Variants in ABHD12B observed in about 807,000 individuals in gnomAD.
The protein encoded by ABHD12B is abhydrolase domain containing 12B, also known as protein ABHD12B.
ABHD12B carries 42 observed loss-of-function variants against 50.4 expected under a neutral mutation model. That is an observed-to-expected ratio of 0.83 (90% confidence interval 0.65 to 1.08). ABHD12B has a LOEUF of 1.08. ABHD12B is among the 50% of genes least tolerant of loss of function. The pLI is 0.00. For synonymous variants in ABHD12B, 167 were observed against 160.3 expected (o/e 1.04, Z -0.32); for missense variants, 479 against 447.7 (o/e 1.07, Z -0.63).
chr14:50,882,262 G>C (rs1332977208), intron 5 of ABHD12B, among the ~76,000 whole-genome samples: 1 of 151,932 alleles, frequency 6.6e-6, no homozygotes, highest in East Asian at 1.9e-4. Flanking sequence ...TTCTCTGAGG[G>C]CTGGGGGATG....
rs1026200599 is a variant in ABHD12B at position 50,886,521 on chromosome 14, C to G, written c.663-126C>G. ...CTGTGGAACCCTTTTAAATAGCGTG[C>G]AAATTTTGTGTCTATATGCATTTTT... On this transcript the variant is annotated intron_variant, in intron 7 of 12. Coordinates refer to ENST00000337334, the MANE Select transcript of ABHD12B (RefSeq NM_001206673.2). 3 of 784,066 alleles carry G rather than the reference C, an allele frequency of 3.8e-6. No individual in the cohort carries two copies. The African/African-American group carries it at 5.3e-5, about 14-fold the overall frequency. The allele number at this position is 784,066 out of a possible 1,614,324, so 48.6% of individuals were successfully genotyped here.
At chr14:50,894,998 A>T (rs936229080) in intron 9 of ABHD12B, among the ~76,000 whole-genome samples, 1 of 148,756 alleles carries the variant, frequency 6.7e-6, no homozygotes, top group Non-Finnish European at 1.5e-5. Context: ...CCAGCAATTT[A>T]CTCTTAAAAA....
In ABHD12B at chr14:50,904,917, G is replaced by T; in HGVS notation, c.*551G>T. 1 of 240,554 alleles carries T rather than the reference G, an allele frequency of 4.2e-6. No individual in the cohort carries two copies. Among genetic ancestry groups the T allele is most frequent in the South Asian group, 5.9e-5 (1 of 16,856 alleles). The allele number at this position is 240,554 out of a possible 1,614,324, so 14.9% of individuals were successfully genotyped here. A position where few individuals can be genotyped will look rare whatever the true frequency, so the allele number is the denominator to read the frequency against. ...CTGAATCAGCCAGTGCCTTGCTCTTGGACTTCCCAGCCCCCAGAACTGTGA... is the reference window on the plus strand; with the variant it reads ...CTGAATCAGCCAGTGCCTTGCTCTTTGACTTCCCAGCCCCCAGAACTGTGA... On this transcript the variant is annotated 3_prime_UTR_variant, in exon 13 of 13. Coordinates refer to ENST00000337334, the MANE Select transcript of ABHD12B (RefSeq NM_001206673.2).
chr14:50,895,880 A>G (rs141066292), intron 9 of ABHD12B, among the ~76,000 whole-genome samples: 1,885 of 152,160 alleles, frequency 0.012, 29 homozygotes, highest in African/African-American at 0.043. Flanking sequence ...AACTTAGACA[A>G]TACTCTTTTA....
chr14:50,894,962 TC>T (rs1257728966), intron 9 of ABHD12B, among the ~76,000 whole-genome samples: 2 of 149,446 alleles, frequency 1.3e-5, no homozygotes, highest in Non-Finnish European at 2.9e-5. Flanking sequence ...ACAGTTTCGT[TC>T]CGTGACTAGC....
rs570999988 is a variant in ABHD12B, at chr14:50,899,553, C to T, written c.781-2276C>T. Among the ~76,000 whole-genome samples, 31 of 152,286 alleles carry T rather than the reference C, an allele frequency of 2.0e-4. No individual in the cohort carries two copies. In the East Asian group the frequency reaches 5.6e-3, roughly 27 times the overall value. On this transcript the variant is annotated intron_variant, in intron 9 of 12. Transcript: ENST00000337334. Reference sequence around the variant, plus strand: ...CTCCCTATTCTGTGCCTATTTCCTTCTCTTGGCCATGTCCCATTTACTACC... The same window carrying T: ...CTCCCTATTCTGTGCCTATTTCCTTTTCTTGGCCATGTCCCATTTACTACC...
chr14:50,878,636 C>A (rs2049895362), intron 2 of ABHD12B, 109 bp from the exon 3 acceptor site: 1 of 845,856 alleles, frequency 1.2e-6, no homozygotes, highest in East Asian at 2.6e-5. Flanking sequence ...AGTGTAGTAG[C>A]TTGCAACTTA....
intron 5 of ABHD12B, among the ~76,000 whole-genome samples, chr14:50,882,373 CTTTTTTTTT>C (rs386381352): frequency 2.4e-5 from 2 of 81,844 alleles, no homozygotes; most frequent in Admixed American, 3.9e-4. Flanking sequence ...AGAATGTCTG[CTTTTTTTTT>C]TTTTTTTTTT....
rs1261556322 is a variant in ABHD12B at position 50,904,945 on chromosome 14, A to C, written c.*579A>C. The stretch of plus-strand genomic sequence containing the variant: ...CTTCCCAGCCCCCAGAACTGTGAGA[A>C]ATAAATTTCTGTTGTTTATAAGCTA... On this transcript the variant is annotated 3_prime_UTR_variant, in exon 13 of 13. Coordinates refer to ENST00000337334, the MANE Select transcript of ABHD12B (RefSeq NM_001206673.2). 4.0e-6 allele frequency: 1 copy of C among 248,062 alleles called. No individual in the cohort carries two copies. Among genetic ancestry groups the C allele is most frequent in the African/African-American group, 2.3e-5 (1 of 42,798 alleles). 15.4% of individuals were successfully genotyped at this position (248,062 alleles called of 1,614,324 possible).
chr14:50,877,823 T>C, intron 1 of ABHD12B, 129 bp from the exon 2 acceptor site: 1 of 920,078 alleles, frequency 1.1e-6, no homozygotes, highest in Non-Finnish European at 1.5e-6. Context: ...GCTGAGAACA[T>C]GCCATTGCAC....
intron 3 of ABHD12B, among the ~76,000 whole-genome samples, chr14:50,879,198 G>A (rs1310280637): frequency 6.6e-6 from 1 of 152,062 alleles, no homozygotes; most frequent in Non-Finnish European, 1.5e-5. Context: ...CTTCCCTCTT[G>A]CCTTGCTAAC....
chr14:50,888,706 C>A, intron 8 of ABHD12B, 118 bp from the exon 9 acceptor site: 1 of 809,102 alleles, frequency 1.2e-6, no homozygotes, highest in South Asian at 1.8e-5. Context: ...TAATAACCTT[C>A]ACAAATAATT....
chr14:50,883,997 C>G (rs909340810), intron 5 of ABHD12B, among the ~76,000 whole-genome samples: 1 of 145,536 alleles, frequency 6.9e-6, no homozygotes, highest in African/African-American at 2.6e-5. Flanking sequence ...CTTTTACTTC[C>G]CACTATTTTA....
intron 1 of ABHD12B, among the ~76,000 whole-genome samples, chr14:50,874,887 T>C (rs1467744152): frequency 3.3e-5 from 5 of 152,350 alleles, no homozygotes; most frequent in East Asian, 3.9e-4. Context: ...TCATTTGCAA[T>C]TGTAAGTAAA....
chr14:50,885,834 T>G lies in ABHD12B; in HGVS notation c.601T>G (p.Trp201Gly), dbSNP rs1457502213. The G allele has an allele frequency of 2.5e-6, 4 of 1,614,010 alleles. No individual in the cohort carries two copies. Among genetic ancestry groups the G allele is most frequent in the Non-Finnish European group, 3.4e-6 (4 of 1,179,998 alleles). ...TACGGATGCCATTTGTGTCTATGAGTGGACCAAGGCAAGAAGTGGCATCAC... is the reference window on the plus strand; with the variant it reads ...TACGGATGCCATTTGTGTCTATGAGGGGACCAAGGCAAGAAGTGGCATCAC... Reference protein sequence around the residue: ...LTTDAICVYEWTKARSGITPV... With the variant: ...LTTDAICVYEGTKARSGITPV... Residue 201 changes from tryptophan to glycine, a missense_variant, in exon 7 of 13, where the codon TGG (tryptophan) becomes GGG (glycine). Physicochemically the swap from Trp to Gly is radical, Grantham distance 184 (BLOSUM62 -2). Transcript: ENST00000337334.
intron 4 of ABHD12B, among the ~76,000 whole-genome samples, 152 bp from the exon 5 acceptor site, chr14:50,881,441 TTTA>T (rs1249981313): frequency 3.3e-5 from 5 of 152,088 alleles, no homozygotes; most frequent in African/African-American, 1.2e-4. Flanking sequence ...TTTTTTTTTT[TTTA>T]CATTTCCCCT....
At chr14:50,898,414 T>G (rs1162284789) in intron 9 of ABHD12B, among the ~76,000 whole-genome samples, 1 of 152,190 alleles carries the variant, frequency 6.6e-6, no homozygotes, top group Non-Finnish European at 1.5e-5. Flanking sequence ...GTAGATAGTG[T>G]GGCATGCCCA....
intron 9 of ABHD12B, chr14:50,893,212 G>A (rs1203251987): frequency 6.6e-6 from 1 of 152,220 alleles, no homozygotes; most frequent in Non-Finnish European, 1.5e-5. Flanking sequence ...GTGACTTGCA[G>A]GTATCTGCCC....
Position 50,878,004 on chromosome 14 carries a change from G to A in ABHD12B, c.157G>A (p.Asp53Asn), listed in dbSNP as rs1160357247. 2 of 1,535,174 alleles carry A rather than the reference G, an allele frequency of 1.3e-6. No individual in the cohort carries two copies. The highest frequency in any genetic ancestry group is 2.0e-5 in the Admixed American group (1 of 50,912). Reference sequence around the variant, plus strand: ...CGGAAGAAAAATTGCTGCTCTGTATGACAGCTTTACTAGTAAATCCTTAAA... The same window carrying A: ...CGGAAGAAAAATTGCTGCTCTGTATAACAGCTTTACTAGTAAATCCTTAAA... The part of the protein sequence containing the change: ...MLGRKIAALY[D>N]SFTSKSLKEH... The change falls in exon 2 of 13, where the codon GAC becomes AAC. Residue 53 changes from aspartate to asparagine, a missense_variant. Asp to Asn is a conservative substitution (Grantham distance 23, BLOSUM62 1). Coordinates refer to ENST00000337334, the MANE Select transcript of ABHD12B (RefSeq NM_001206673.2).
Sources: gnomAD v4.1 joint callset for allele counts (sites outside exome capture counted in the v4.1 genomes callset) on GRCh38, gnomAD v4.1.1 for gene constraint, MANE v1.5 for transcripts, NCBI Gene and HGNC (gene_info 2026-07-23, HGNC 2026-07-21) for gene names.